ST7: variants seen among roughly 807,000 people sequenced by gnomAD.
ST7 encodes the protein suppressor of tumorigenicity 7 protein.
ST7 carries 28 observed loss-of-function variants against 78.7 expected under a neutral mutation model. The ratio of observed to expected loss-of-function variants is 0.36; its 90% CI spans 0.26 to 0.49. The LOEUF is 0.49. ST7 is among the 20% of genes least tolerant of loss of function. ST7 has a pLI of 0.99. For missense variants in ST7, 418 were observed against 696.0 expected (o/e 0.60, Z 4.49); for synonymous variants, 247 against 249.6 (o/e 0.99, Z 0.10).
In ST7 at chr7:116,953,698, C is replaced by G. The variant is rs758205368; in HGVS notation, c.151+7C>G. ...AACGACAACTTGAGCACAGGTAAGG[C>G]CTGGGAGCCGGGCCCGCGGCGCCCA... On this transcript the variant is annotated splice_region_variant and intron_variant, in intron 1 of 15. Transcript: ENST00000323984. The G allele has an allele frequency of 6.9e-7, 1 of 1,450,428 alleles. No individual in the cohort carries two copies. The highest frequency in any genetic ancestry group is 1.3e-5 in the South Asian group (1 of 78,758). The allele number at this position is 1,450,428 out of a possible 1,614,324, so 89.8% of individuals were successfully genotyped here.
chr7:116,967,338 C>T (rs1277376496), intron 1 of ST7: 1 of 471,152 alleles, frequency 2.1e-6, no homozygotes, highest in Non-Finnish European at 4.4e-6. Flanking sequence ...TTGAGTGCTC[C>T]ACTTGCGCTA....
At chr7:117,019,583 T>C (rs1402132322) in intron 1 of ST7, among the ~76,000 whole-genome samples, 1 of 152,208 alleles carries the variant, frequency 6.6e-6, no homozygotes. Flanking sequence ...AATACATGTA[T>C]GTAAATATAT....
In ST7 at chr7:117,202,152, C is replaced by T. The variant is rs1469568417; in HGVS notation, c.1255-7635C>T. On this transcript the variant is annotated intron_variant, in intron 12 of 15. Coordinates refer to ENST00000323984, the MANE Select transcript of ST7 (RefSeq NM_001369598.1). Reference sequence around the variant, plus strand: ...ATTTTTTTTGTATTTTTAGTAGAGACGGGGTTTCACCGTTTTAGCCGGGAT... The same window carrying T: ...ATTTTTTTTGTATTTTTAGTAGAGATGGGGTTTCACCGTTTTAGCCGGGAT... Among the ~76,000 whole-genome samples, 3 of 48,112 alleles carry T rather than the reference C, an allele frequency of 6.2e-5. 1 individual carries two copies. The highest frequency in any genetic ancestry group is 3.3e-4 in the Admixed American group (1 of 2,986). 31.6% of individuals were successfully genotyped at this position (48,112 alleles called of 152,430 possible). A position where few individuals can be genotyped will look rare whatever the true frequency, so the allele number is the denominator to read the frequency against.
intron 1 of ST7, chr7:117,020,506 C>A: frequency 7.1e-7 from 1 of 1,400,428 alleles, no homozygotes; most frequent in Non-Finnish European, 9.7e-7. Context: ...GTGTAGCCGG[C>A]TCATCTCTTC....
At chr7:117,115,196 T>G (rs187873161) in intron 2 of ST7, among the ~76,000 whole-genome samples, 1 of 152,262 alleles carries the variant, frequency 6.6e-6, no homozygotes, top group East Asian at 1.9e-4. Flanking sequence ...GCACCTCCAC[T>G]GAGATCAGTG....
At chr7:117,040,170 A>C (rs1270346069) in intron 1 of ST7, among the ~76,000 whole-genome samples, 1 of 152,002 alleles carries the variant, frequency 6.6e-6, no homozygotes, top group Non-Finnish European at 1.5e-5. Context: ...TCAGGAGTTC[A>C]AGACCAGCCT....
In ST7 at chr7:116,957,687, G is replaced by A. The variant is rs902629688; in HGVS notation, c.151+3996G>A. On this transcript the variant is annotated intron_variant, in intron 1 of 15. Coordinates refer to ENST00000323984, the MANE Select transcript of ST7 (RefSeq NM_001369598.1). Reference sequence around the variant, plus strand: ...TTTTCCAAAGGGCAGAAAATTAATTGTAGATTGGCACAGTCATGCAGGATA... The same window carrying A: ...TTTTCCAAAGGGCAGAAAATTAATTATAGATTGGCACAGTCATGCAGGATA... Among the ~76,000 whole-genome samples, 7 of 152,156 alleles carry A rather than the reference G, an allele frequency of 4.6e-5. No homozygotes were observed. The South Asian group carries it at 1.4e-3, about 31-fold the overall frequency.
intron 15 of ST7, among the ~76,000 whole-genome samples, chr7:117,226,632 T>C (rs1793462836): frequency 1.3e-5 from 2 of 152,190 alleles, no homozygotes; most frequent in Non-Finnish European, 2.9e-5. Context: ...GATGGAGCTT[T>C]TATTTGGTTA....
rs959176032 is a variant in ST7 at position 117,129,985 on chromosome 7, T to A, written c.449+138T>A. ...TCCATTTTTTAATACTATCTTCAAATGTTTTGATTTTTCTGTTTTATAAAT... is the reference window on the plus strand; with the variant it reads ...TCCATTTTTTAATACTATCTTCAAAAGTTTTGATTTTTCTGTTTTATAAAT... On this transcript the variant is annotated intron_variant, in intron 4 of 15. Coordinates refer to ENST00000323984, the MANE Select transcript of ST7 (RefSeq NM_001369598.1). 5 of 601,852 alleles carry A rather than the reference T, an allele frequency of 8.3e-6. No homozygotes were observed. The African/African-American group carries it at 9.8e-5, about 12-fold the overall frequency. The allele number at this position is 601,852 out of a possible 1,614,324, so 37.3% of individuals were successfully genotyped here. A position where few individuals can be genotyped will look rare whatever the true frequency, so the allele number is the denominator to read the frequency against.
chr7:117,194,234 GC>G (rs1277492444), intron 12 of ST7, among the ~76,000 whole-genome samples: 2 of 152,182 alleles, frequency 1.3e-5, no homozygotes, highest in Non-Finnish European at 2.9e-5. Flanking sequence ...CTGTAGCTGT[GC>G]CGCCAGCTCC....
chr7:117,064,853 AT>A (rs1798548206), intron 1 of ST7, among the ~76,000 whole-genome samples: 1 of 152,156 alleles, frequency 6.6e-6, no homozygotes, highest in Non-Finnish European at 1.5e-5. Flanking sequence ...GAGTTGATGG[AT>A]CCCCACTGTG....
intron 1 of ST7, among the ~76,000 whole-genome samples, chr7:117,007,139 A>C (rs190133267): frequency 1.4e-3 from 214 of 152,350 alleles, no homozygotes; most frequent in Non-Finnish European, 2.6e-3. Flanking sequence ...TTAATGACGA[A>C]GGCATGTCAA....
At chr7:117,113,240 T>C (rs976490027) in intron 2 of ST7, among the ~76,000 whole-genome samples, 14 of 152,214 alleles carry the variant, frequency 9.2e-5, no homozygotes, top group Non-Finnish European at 1.9e-4. Flanking sequence ...GAAACTTTGC[T>C]AGGTAAGGAT....
intron 9 of ST7, among the ~76,000 whole-genome samples, chr7:117,152,220 T>TAC (rs1202181055): frequency 7.9e-6 from 1 of 125,898 alleles, no homozygotes; most frequent in South Asian, 2.5e-4. Context: ...TATATATATA[T>TAC]ATACCATGAA....
intron 9 of ST7, among the ~76,000 whole-genome samples, chr7:117,169,189 G>T (rs1171578967): frequency 2.9e-5 from 4 of 140,332 alleles, no homozygotes; most frequent in Non-Finnish European, 6.0e-5. Context: ...AGACTGGAAT[G>T]CAGTGGCATG....
At chr7:116,977,640 C>T (rs1793764848) in intron 1 of ST7, among the ~76,000 whole-genome samples, 1 of 152,210 alleles carries the variant, frequency 6.6e-6, no homozygotes, top group Non-Finnish European at 1.5e-5. Context: ...CACCCTCTGC[C>T]TCCCAGGTTC....
At chr7:116,979,138 C>A (rs975670949) in intron 1 of ST7, among the ~76,000 whole-genome samples, 1 of 152,100 alleles carries the variant, frequency 6.6e-6, no homozygotes, top group African/African-American at 2.4e-5. Flanking sequence ...CTGGAGAAAA[C>A]GCTCTGTGCC....
chr7:116,953,715 C>T, intron 1 of ST7, 24 bp downstream of exon 1: 4 of 1,413,424 alleles, frequency 2.8e-6, no homozygotes, highest in South Asian at 1.4e-5. Flanking sequence ...GCCGGGCCCG[C>T]GGCGCCCACC....
chr7:117,154,300 C>G (rs947976026), intron 9 of ST7, among the ~76,000 whole-genome samples: 1 of 152,162 alleles, frequency 6.6e-6, no homozygotes, highest in East Asian at 1.9e-4. Flanking sequence ...TCACCGGAAG[C>G]CAAATCTGCC....
Sources: allele counts gnomAD v4.1 joint callset (sites outside exome capture counted in the v4.1 genomes callset), GRCh38; gene constraint gnomAD v4.1.1; transcripts MANE v1.5; gene names NCBI Gene and HGNC (gene_info 2026-07-23, HGNC 2026-07-21).